INF2: variants seen among roughly 807,000 people sequenced by gnomAD.
The protein encoded by INF2 is inverted formin-2.
Under a neutral mutation model 123.5 loss-of-function variants are expected in INF2, and 43 were observed. The ratio of observed to expected loss-of-function variants is 0.35; its 90% CI spans 0.27 to 0.45. The LOEUF (loss-of-function observed/expected upper bound fraction) is 0.45. INF2 is among the 20% of genes least tolerant of loss of function. The pLI is 1.00. For missense variants in INF2, 1,453 were observed against 1,682.7 expected (o/e 0.86, Z 2.39); for synonymous variants, 851 against 745.0 (o/e 1.14, Z -2.32).
chr14:104,699,530 G>T lies in INF2; in HGVS notation c.-9-1827G>T. Reference sequence around the variant, plus strand: ...AGCAGCGATGAGAAGCCAGGGGAGCGTGAGGAGCAGCCCAGGACAGGGCCC... The same window carrying T: ...AGCAGCGATGAGAAGCCAGGGGAGCTTGAGGAGCAGCCCAGGACAGGGCCC... On this transcript the variant is annotated intron_variant, in intron 1 of 22. Coordinates refer to ENST00000392634, the MANE Select transcript of INF2 (RefSeq NM_022489.4). This position sits in a 1 kb window ranked among gnomAD's most constrained non-coding sequence, Gnocchi z 4.7. 1.0e-6 allele frequency: 1 copy of T among 985,314 alleles called. No individual in the cohort carries two copies. The highest frequency in any genetic ancestry group is 4.7e-5 in the South Asian group (1 of 21,278). The allele number at this position is 985,314 out of a possible 1,614,324, so 61.0% of individuals were successfully genotyped here.
intron 8 of INF2, chr14:104,708,234 C>A: frequency 1.2e-6 from 1 of 864,796 alleles, no homozygotes; most frequent in Non-Finnish European, 1.8e-6. Context: ...TGAGCCAGTG[C>A]ATCTGGGGTG....
chr14:104,714,295 C>A lies in INF2; in HGVS notation c.3133C>A (p.Arg1045=). The A allele has an allele frequency of 6.3e-7, 1 of 1,592,126 alleles. No homozygotes were observed. The highest frequency in any genetic ancestry group is 2.3e-5 in the East Asian group (1 of 43,536). ...GLDATTASES[R]GWDLVDAVTP... Reference sequence around the variant, plus strand: ...TGATGCTACAACAGCCAGCGAGTCCCGGGGCTGGGACCTTGTAGACGCCGT... The same window carrying A: ...TGATGCTACAACAGCCAGCGAGTCCAGGGGCTGGGACCTTGTAGACGCCGT... The change falls in exon 21 of 23, where the codon CGG becomes AGG. Residue 1045 remains arginine (R), a synonymous_variant. Coordinates refer to ENST00000392634, the MANE Select transcript of INF2 (RefSeq NM_022489.4).
upstream of INF2, chr14:104,689,306 G>A (rs1326904771): frequency 2.4e-5 from 23 of 965,942 alleles, no homozygotes; most frequent in Admixed American, 6.2e-5. Flanking sequence ...GACGGGAGGC[G>A]GTGGAGGGCA....
At chr14:104,703,805 G>A in intron 4 of INF2, 111 bp from the exon 5 acceptor site, 3 of 1,572,680 alleles carry the variant, frequency 1.9e-6, no homozygotes, top group South Asian at 1.1e-5. Flanking sequence ...TCAGGTCTCT[G>A]GTGTCCCATG....
At chr14:104,703,483 G>A (rs372854434) in intron 4 of INF2, 29 bp downstream of exon 4, 71 of 1,606,932 alleles carry the variant, frequency 4.4e-5, no homozygotes, top group African/African-American at 3.5e-4. Flanking sequence ...CCGCATGCCC[G>A]CTCCTGCCCG....
At chr14:104,718,645 C>A in intron 22 of INF2, 150 bp from the exon 23 acceptor site, 1 of 1,398,204 alleles carries the variant, frequency 7.2e-7, no homozygotes, top group Non-Finnish European at 9.6e-7. Flanking sequence ...AGAGAAAGAG[C>A]CTGGGGTCAG....
chr14:104,715,256 T>C, intron 21 of INF2, 28 bp from the exon 22 acceptor site: 1 of 1,611,282 alleles, frequency 6.2e-7, no homozygotes, highest in South Asian at 1.1e-5. Context: ...GATAAGCCGT[T>C]GAGTGCGTTT....
intron 1 of INF2, among the ~76,000 whole-genome samples, chr14:104,692,232 C>T (rs990419219): frequency 2.0e-5 from 3 of 152,350 alleles, no homozygotes; most frequent in Non-Finnish European, 2.9e-5. Flanking sequence ...CCTCCCAGTG[C>T]GACGTGGGTC....
chr14:104,710,911 C>G (rs1890019159), intron 13 of INF2, 26 bp from the exon 14 acceptor site: 1 of 1,608,178 alleles, frequency 6.2e-7, no homozygotes. Context: ...CCAAGAGCCC[C>G]TCTCCAGCCC....
Position 104,699,888 on chromosome 14 carries a change from G to A in INF2, c.-9-1469G>A, listed in dbSNP as rs1218341476. 3.3e-5 allele frequency among the ~76,000 whole-genome samples: 5 copies of A among 152,188 alleles called. No individual in the cohort carries two copies. The highest frequency in any genetic ancestry group is 7.4e-5 in the Non-Finnish European group (5 of 68,004). On this transcript the variant is annotated intron_variant, in intron 1 of 22. Coordinates refer to ENST00000392634, the MANE Select transcript of INF2 (RefSeq NM_022489.4). This position sits in a 1 kb window ranked among gnomAD's most constrained non-coding sequence, Gnocchi z 4.7. ...TCAGAACCCTGGCTTACACCTGTCA[G>A]GCTGCCTCCTGGAAGGAGCCCACTG...
chr14:104,702,683 G>C (rs1215516112), intron 2 of INF2, among the ~76,000 whole-genome samples: 1 of 152,222 alleles, frequency 6.6e-6, no homozygotes, highest in Non-Finnish European at 1.5e-5. Flanking sequence ...GCCTGGCAGG[G>C]CCCCTCTATG....
Position 104,719,039 on chromosome 14 carries a change from C to G in INF2, c.*246C>G. The G allele has an allele frequency of 1.1e-6, 1 of 929,592 alleles. No homozygotes were observed. Among genetic ancestry groups the G allele is most frequent in the Non-Finnish European group, 1.5e-6 (1 of 657,230 alleles). The allele number at this position is 929,592 out of a possible 1,614,324, so 57.6% of individuals were successfully genotyped here. A position where few individuals can be genotyped will look rare whatever the true frequency, so the allele number is the denominator to read the frequency against. On this transcript the variant is annotated 3_prime_UTR_variant, in exon 23 of 23. Transcript: ENST00000392634. ...ACCGCCTGCACGTGCCAGCCTCCCACCTGCTTCCTAAAGGCAACCCTGGCC... is the reference window on the plus strand; with the variant it reads ...ACCGCCTGCACGTGCCAGCCTCCCAGCTGCTTCCTAAAGGCAACCCTGGCC...
chr14:104,708,661 G>A lies in INF2; in HGVS notation c.1888-10G>A, dbSNP rs768895848. 6.2e-7 allele frequency: 1 copy of A among 1,612,964 alleles called. No individual in the cohort carries two copies. Among genetic ancestry groups the A allele is most frequent in the Non-Finnish European group, 8.5e-7 (1 of 1,179,864 alleles). Reference sequence around the variant, plus strand: ...TCCGGTACCAGCCTGTTGGGTGGGGGGTTTTCTAGATCACTTTCCTCGATG... The same window carrying A: ...TCCGGTACCAGCCTGTTGGGTGGGGAGTTTTCTAGATCACTTTCCTCGATG... On this transcript the variant is annotated splice_polypyrimidine_tract_variant and intron_variant, in intron 9 of 22. Coordinates refer to ENST00000392634, the MANE Select transcript of INF2 (RefSeq NM_022489.4).
upstream of INF2, among the ~76,000 whole-genome samples, chr14:104,687,317 G>T (rs1888688118): frequency 6.6e-6 from 1 of 152,036 alleles, no homozygotes; most frequent in African/African-American, 2.4e-5. This position sits in a 1 kb window ranked among gnomAD's most constrained non-coding sequence, Gnocchi z 5.6. Flanking sequence ...GAAGAGGAGG[G>T]GGCCTCTGTA....
At chr14:104,695,192 G>A (rs1271500172) in intron 1 of INF2, among the ~76,000 whole-genome samples, 1 of 152,118 alleles carries the variant, frequency 6.6e-6, no homozygotes, top group Non-Finnish European at 1.5e-5. Flanking sequence ...TGCAGGGCCT[G>A]ATCAGGCCCT....
intron 22 of INF2, among the ~76,000 whole-genome samples, chr14:104,717,814 T>A (rs1890383412): frequency 6.6e-6 from 1 of 152,174 alleles, no homozygotes; most frequent in African/African-American, 2.4e-5. Context: ...GCACCGGTGG[T>A]GACCTGTGGA....
intron 1 of INF2, among the ~76,000 whole-genome samples, chr14:104,696,741 G>A (rs957421019): frequency 1.3e-5 from 2 of 152,122 alleles, no homozygotes; most frequent in Non-Finnish European, 1.5e-5. Flanking sequence ...TCTCGGAGGA[G>A]CTAAAAATAC....
At chr14:104,709,842 G>A (rs188014898) in intron 12 of INF2, 137 bp downstream of exon 12, 76 of 795,874 alleles carry the variant, frequency 9.5e-5, no homozygotes, top group African/African-American at 7.8e-4. Flanking sequence ...GCATTGCAGC[G>A]GTTGGGCTTC....
In INF2 at chr14:104,703,792, GC is replaced by G. The variant is rs1349395086; in HGVS notation, c.668-122del. 2.6e-6 allele frequency: 4 copies of G among 1,534,542 alleles called. No individual in the cohort carries two copies. The African/African-American group carries it at 5.4e-5, about 21-fold the overall frequency. On this transcript the variant is annotated intron_variant, in intron 4 of 22. Coordinates refer to ENST00000392634, the MANE Select transcript of INF2 (RefSeq NM_022489.4). ...TCCAGCATGATGTCTCCCCTCCAGA[GC>G]CTCAGGTCTCTGGTGTCCCATGAGT...
Sources: allele counts gnomAD v4.1 joint callset (sites outside exome capture counted in the v4.1 genomes callset), GRCh38; gene constraint gnomAD v4.1.1; non-coding constraint Gnocchi (gnomAD v3.1); transcripts MANE v1.5; gene names NCBI Gene and HGNC (gene_info 2026-07-23, HGNC 2026-07-21).